TMEM132B: variants seen among roughly 807,000 people sequenced by gnomAD.
TMEM132B encodes the protein transmembrane protein 132B.
TMEM132B carries 18 observed loss-of-function variants against 90.8 expected under a neutral mutation model. The observed-to-expected ratio is 0.20, with a 90% CI of 0.14 to 0.29. TMEM132B has a LOEUF of 0.29. TMEM132B is among the 10% of genes least tolerant of loss of function. The probability of loss-of-function intolerance (pLI) is 1.00; values close to 1 mark genes in which losing one functional copy is unlikely to be tolerated. For missense variants in TMEM132B, 1,096 were observed against 1,326.8 expected, an observed-to-expected ratio of 0.83 and a Z score of 2.70; for synonymous variants, 504 against 523.3, an observed-to-expected ratio of 0.96 and a Z score of 0.50.
intron 3 of TMEM132B, among the ~76,000 whole-genome samples, chr12:125,437,552 C>T (rs994299475): frequency 9.9e-5 from 15 of 151,104 alleles, no homozygotes; most frequent in South Asian, 2.2e-4. Flanking sequence ...TTCCTACCAG[C>T]GATGTAAGAG....
At chr12:125,311,104 A>G (rs1469659944) in intron 1 of TMEM132B, among the ~76,000 whole-genome samples, 1 of 152,176 alleles carries the variant, frequency 6.6e-6, no homozygotes. Context: ...ATTGAGCATG[A>G]CAAAAGGTGG....
chr12:125,594,853 T>C (rs1481726510), intron 5 of TMEM132B, among the ~76,000 whole-genome samples: 2 of 152,200 alleles, frequency 1.3e-5, no homozygotes, highest in African/African-American at 4.8e-5. Flanking sequence ...CATACTCTAA[T>C]AGGGTCTTTA....
Position 125,415,549 on chromosome 12 carries a change from T to C in TMEM132B, c.978T>C (p.Gly326=), listed in dbSNP as rs3809261. ...CCCACAGAATTAAGGCGGCAGCAGG[T>C]GTGAAGATAACGGCAGTGAGAGTCA... is the stretch of plus-strand genomic sequence containing the variant. ...QFTLRIKAAA[G]VKITAVRVSS... The change falls in exon 3 of 9, where the codon GGT becomes GGC. Residue 326 remains glycine (G), a synonymous_variant. Coordinates refer to ENST00000682704, the MANE Select transcript of TMEM132B (RefSeq NM_001366854.1). This position sits in a 1 kb window ranked among gnomAD's most constrained non-coding sequence, Gnocchi z 5.3. The C allele has an allele frequency of 6.2e-7, 1 of 1,614,082 alleles. No homozygotes were observed. Among genetic ancestry groups the C allele is most frequent in the Admixed American group, 1.7e-5 (1 of 60,026 alleles).
intron 5 of TMEM132B, among the ~76,000 whole-genome samples, chr12:125,593,574 A>T (rs1281432870): frequency 6.6e-6 from 1 of 152,124 alleles, no homozygotes; most frequent in Non-Finnish European, 1.5e-5. Context: ...AGTGTCTGGG[A>T]TATCAGGCCT....
intron 5 of TMEM132B, among the ~76,000 whole-genome samples, chr12:125,606,188 C>T (rs753155775): frequency 6.6e-6 from 1 of 151,930 alleles, no homozygotes; most frequent in Middle Eastern, 3.2e-3. Context: ...ATGAACAGTT[C>T]AGATTTCAGT....
rs536908326 is a variant in TMEM132B, at chr12:125,209,484, T to A, written c.67+22618T>A. On this transcript the variant is annotated intron_variant, in intron 1 of 8. Coordinates refer to ENST00000682704, the MANE Select transcript of TMEM132B (RefSeq NM_001366854.1). This position sits in a 1 kb window ranked among gnomAD's most constrained non-coding sequence, Gnocchi z 4.4. ...CTGGTCACCTCAGGGGAGAAGGGTG[T>A]TGGCTCAGTCAGCCCTGCTTTGCTT... 2.2e-4 allele frequency among the ~76,000 whole-genome samples: 33 copies of A among 152,204 alleles called. No individual in the cohort carries two copies. The highest frequency in any genetic ancestry group is 4.1e-4 in the Non-Finnish European group (28 of 68,028).
chr12:125,381,328 G>A (rs549707494), intron 2 of TMEM132B, among the ~76,000 whole-genome samples: 7 of 152,296 alleles, frequency 4.6e-5, no homozygotes, highest in African/African-American at 1.4e-4. Flanking sequence ...TCTGGGAGGT[G>A]ATACCAGAAA....
intron 1 of TMEM132B, among the ~76,000 whole-genome samples, chr12:125,318,131 C>T (rs1294306776): frequency 2.0e-5 from 3 of 152,098 alleles, no homozygotes; most frequent in African/African-American, 7.2e-5. Flanking sequence ...TATATAAAAT[C>T]TAGAAATGAT....
At chr12:125,254,714 A>G (rs7979191) in intron 1 of TMEM132B, among the ~76,000 whole-genome samples, 146,475 of 147,344 alleles carry the variant, frequency 0.99, 72,806 homozygotes, top group Middle Eastern at 1. Flanking sequence ...ATGGAGTTTC[A>G]CTCTTGTCAC....
intron 4 of TMEM132B, among the ~76,000 whole-genome samples, chr12:125,544,927 A>G (rs1884050757): frequency 6.7e-6 from 1 of 149,090 alleles, no homozygotes; most frequent in East Asian, 1.9e-4. Context: ...AAACAATAGT[A>G]ATCAAGCCAT....
chr12:125,536,546 C>T (rs1373150620), intron 4 of TMEM132B, among the ~76,000 whole-genome samples: 5 of 152,200 alleles, frequency 3.3e-5, no homozygotes, highest in African/African-American at 1.2e-4. Context: ...ATGGTGCCCA[C>T]CTCACACACT....
chr12:125,559,518 C>T (rs1884468343), intron 4 of TMEM132B, among the ~76,000 whole-genome samples: 1 of 152,158 alleles, frequency 6.6e-6, no homozygotes, highest in African/African-American at 2.4e-5. Flanking sequence ...CGAGTTCCTG[C>T]CCTGGGAAAA....
rs1874221306 is a variant in TMEM132B, at chr12:125,246,984, T to C, written c.67+60118T>C. Among the ~76,000 whole-genome samples the C allele has an allele frequency of 6.6e-6, 1 of 152,104 alleles. No homozygotes were observed. Among genetic ancestry groups the C allele is most frequent in the Non-Finnish European group, 1.5e-5 (1 of 68,024 alleles). On this transcript the variant is annotated intron_variant, in intron 1 of 8. Transcript: ENST00000682704. The surrounding 1 kb of genome is among the most constrained non-coding windows in gnomAD (Gnocchi z 4.2). Reference sequence around the variant, plus strand: ...AGTTATTACTATTTAAGGCTTGGGATAGTATTTTTAGAAGACATTAAATCA... The same window carrying C: ...AGTTATTACTATTTAAGGCTTGGGACAGTATTTTTAGAAGACATTAAATCA...
At chr12:125,587,907 A>T (rs1205839944) in intron 5 of TMEM132B, 1 of 152,202 alleles carries the variant, frequency 6.6e-6, no homozygotes, top group Non-Finnish European at 1.5e-5. Context: ...AAATCACAGG[A>T]GAAATGATTG....
At chr12:125,589,520 C>A (rs1885270850) in intron 5 of TMEM132B, among the ~76,000 whole-genome samples, 1 of 148,220 alleles carries the variant, frequency 6.7e-6, no homozygotes, top group Non-Finnish European at 1.5e-5. Context: ...ATACCTGAGA[C>A]CGGGTAACTT....
At chr12:125,299,395 C>T (rs1875758442) in intron 1 of TMEM132B, among the ~76,000 whole-genome samples, 2 of 152,154 alleles carry the variant, frequency 1.3e-5, no homozygotes, top group African/African-American at 4.8e-5. Context: ...CATCCATCTC[C>T]CTGACCTTCG....
chr12:125,465,081 G>A (rs1881529535), intron 3 of TMEM132B, among the ~76,000 whole-genome samples: 1 of 152,146 alleles, frequency 6.6e-6, no homozygotes, highest in Non-Finnish European at 1.5e-5. Flanking sequence ...TTTTGGAAAA[G>A]CCTCTAATGT....
chr12:125,295,515 T>TGTGTGTGTGTGAGA (rs531489519), intron 1 of TMEM132B, among the ~76,000 whole-genome samples: 18 of 142,428 alleles, frequency 1.3e-4, no homozygotes, highest in Non-Finnish European at 2.0e-4. Context: ...TGTGTGTGTG[T>TGTGTGTGTGTGAGA]GAGAGAGAGA....
At chr12:125,372,033 G>GTAATTT (rs1878307917) in intron 2 of TMEM132B, among the ~76,000 whole-genome samples, 1 of 152,184 alleles carries the variant, frequency 6.6e-6, no homozygotes, top group East Asian at 1.9e-4. Context: ...TGTGCCAACT[G>GTAATTT]TAATTTTAAG....
Sources: allele counts gnomAD v4.1 joint callset (sites outside exome capture counted in the v4.1 genomes callset), GRCh38; gene constraint gnomAD v4.1.1; non-coding constraint Gnocchi (gnomAD v3.1); transcripts MANE v1.5; gene names NCBI Gene and HGNC (gene_info 2026-07-23, HGNC 2026-07-21).